The following CNOT6L variants were observed in gnomAD, a reference collection of about 807,000 sequenced individuals.
The protein encoded by CNOT6L is CCR4-NOT transcription complex subunit 6 like.
In CNOT6L, 7 loss-of-function variants were observed where a neutral mutation model predicts 64.0. That is an observed-to-expected ratio of 0.11 (90% CI 0.06 to 0.21). The LOEUF (loss-of-function observed/expected upper bound fraction) is 0.21. Ranked by LOEUF, CNOT6L falls within the 10% of genes least tolerant of loss-of-function variation. The probability of loss-of-function intolerance (pLI) is 1.00; values close to 1 mark genes in which losing one functional copy is unlikely to be tolerated. For missense variants in CNOT6L, 245 were observed against 669.0 expected, an observed-to-expected ratio of 0.37 and a Z score of 6.99; for synonymous variants, 193 against 243.4, an observed-to-expected ratio of 0.79 and a Z score of 1.93.
intron 8 of CNOT6L, among the ~76,000 whole-genome samples, chr4:77,737,933 C>G (rs1032179515): frequency 6.6e-6 from 1 of 152,052 alleles, no homozygotes; most frequent in Non-Finnish European, 1.5e-5. Flanking sequence ...ATTCTAAATG[C>G]AACAACCACC....
chr4:77,737,392 A>G (rs1368628068), intron 8 of CNOT6L, among the ~76,000 whole-genome samples: 2 of 147,624 alleles, frequency 1.4e-5, no homozygotes, highest in East Asian at 2.0e-4. Flanking sequence ...ATAACATCCT[A>G]TATTTGTACC....
At chr4:77,725,674 T>C (rs1036865314) in intron 11 of CNOT6L, among the ~76,000 whole-genome samples, 2 of 152,206 alleles carry the variant, frequency 1.3e-5, no homozygotes, top group Admixed American at 1.3e-4. Context: ...TCTAACCCCA[T>C]ACCCAAAAAT....
intron 1 of CNOT6L, among the ~76,000 whole-genome samples, chr4:77,778,103 T>C (rs79072801): frequency 0.031 from 4,755 of 152,284 alleles, 243 homozygotes; most frequent in African/African-American, 0.11. Context: ...ACAAAGAATA[T>C]GATCATTTTC....
chr4:77,781,982 G>C (rs969708664), intron 1 of CNOT6L, among the ~76,000 whole-genome samples: 3 of 151,968 alleles, frequency 2.0e-5, no homozygotes, highest in Non-Finnish European at 4.4e-5. Flanking sequence ...TCAATCACAG[G>C]CAGAGACACA....
At chr4:77,793,031 A>T (rs1326607171) in intron 1 of CNOT6L, among the ~76,000 whole-genome samples, 1 of 151,614 alleles carries the variant, frequency 6.6e-6, no homozygotes, top group Non-Finnish European at 1.5e-5. Flanking sequence ...ACAACAAGAA[A>T]TATCTTGTCC....
intron 8 of CNOT6L, among the ~76,000 whole-genome samples, chr4:77,739,232 T>G (rs564051463): frequency 6.6e-6 from 1 of 152,186 alleles, no homozygotes; most frequent in South Asian, 2.1e-4. Context: ...CAGTTTTTCA[T>G]GTATGATTAA....
At chr4:77,780,988 A>C (rs1728795459) in intron 1 of CNOT6L, among the ~76,000 whole-genome samples, 2 of 152,118 alleles carry the variant, frequency 1.3e-5, no homozygotes, top group Non-Finnish European at 2.9e-5. Context: ...AAACATAAAA[A>C]AACATGCAGC....
chr4:77,747,966 ACT>A (rs1382244442), intron 6 of CNOT6L, among the ~76,000 whole-genome samples: 8 of 152,120 alleles, frequency 5.3e-5, no homozygotes, highest in African/African-American at 1.9e-4. Context: ...ATCACCCAAT[ACT>A]CTCTATGAAG....
chr4:77,758,665 CA>C (rs956961309), intron 4 of CNOT6L, among the ~76,000 whole-genome samples: 10 of 152,172 alleles, frequency 6.6e-5, no homozygotes, highest in African/African-American at 2.4e-4. Context: ...GTGTAACTGA[CA>C]AATTACTGGA....
intron 3 of CNOT6L, 51 bp from the exon 4 acceptor site, chr4:77,773,217 C>T (rs1230850059): frequency 8.7e-7 from 1 of 1,148,680 alleles, no homozygotes; most frequent in African/African-American, 1.6e-5. Flanking sequence ...GTTTTATTAA[C>T]ATCTGTATTT....
At chr4:77,726,465 A>G in intron 10 of CNOT6L, 96 bp from the exon 11 acceptor site, 2 of 951,600 alleles carry the variant, frequency 2.1e-6, no homozygotes, top group Non-Finnish European at 3.1e-6. Flanking sequence ...CACCAGGCTC[A>G]GAGTGGTCTT....
Position 77,717,592 on chromosome 4 carries a change from AAT to A in CNOT6L, c.*2837_*2838del, listed in dbSNP as rs142967513. On this transcript the variant is annotated 3_prime_UTR_variant, in exon 12 of 12. Transcript: ENST00000504123. ...GAGCATATATATTTTACTTTCATTG[AAT>A]ATATATATATATATGTCATTCACCT... 1.4e-4 allele frequency: 21 copies of A among 149,990 alleles called. No homozygotes were observed. The highest frequency in any genetic ancestry group is 2.0e-4 in the African/African-American group (8 of 40,946). 9.3% of individuals were successfully genotyped at this position (149,990 alleles called of 1,614,324 possible). A position where few individuals can be genotyped will look rare whatever the true frequency, so the allele number is the denominator to read the frequency against.
chr4:77,737,790 G>A (rs1387775826), intron 8 of CNOT6L, among the ~76,000 whole-genome samples: 1 of 151,902 alleles, frequency 6.6e-6, no homozygotes, highest in Non-Finnish European at 1.5e-5. Flanking sequence ...CTCTAAAGTG[G>A]AACAGTTATT....
intron 1 of CNOT6L, among the ~76,000 whole-genome samples, chr4:77,779,752 G>A (rs1728640960): frequency 6.6e-6 from 1 of 152,172 alleles, no homozygotes; most frequent in Admixed American, 6.5e-5. Flanking sequence ...ACGAGGTCAG[G>A]AGATCGAGAC....
At chr4:77,757,101 G>A in intron 4 of CNOT6L, 150 bp from the exon 5 acceptor site, 1 of 440,036 alleles carries the variant, frequency 2.3e-6, no homozygotes, top group South Asian at 5.9e-5. Context: ...ATTTAAAAAT[G>A]TATGTGTAAA....
At chr4:77,739,655 A>G (rs1232377032) in intron 8 of CNOT6L, among the ~76,000 whole-genome samples, 1 of 152,220 alleles carries the variant, frequency 6.6e-6, no homozygotes, top group African/African-American at 2.4e-5. Flanking sequence ...CATTCCAGGA[A>G]AGAAGTTGAA....
At chr4:77,787,786 T>G (rs1429114498) in intron 1 of CNOT6L, among the ~76,000 whole-genome samples, 1 of 152,218 alleles carries the variant, frequency 6.6e-6, no homozygotes, top group Non-Finnish European at 1.5e-5. Context: ...TTACCTAACT[T>G]TATTTCACTT....
chr4:77,796,398 G>C (rs1211254865), intron 1 of CNOT6L, among the ~76,000 whole-genome samples: 1 of 152,022 alleles, frequency 6.6e-6, no homozygotes, highest in Non-Finnish European at 1.5e-5. Context: ...CTTCTCCCTT[G>C]CTTTTTCTTG....
intron 5 of CNOT6L, among the ~76,000 whole-genome samples, chr4:77,748,956 A>G (rs900654669): frequency 6.6e-6 from 1 of 152,198 alleles, no homozygotes; most frequent in Non-Finnish European, 1.5e-5. Context: ...GGTTATCAAT[A>G]CTATGGAACT....
Sources: allele counts gnomAD v4.1 joint callset (sites outside exome capture counted in the v4.1 genomes callset), GRCh38; gene constraint gnomAD v4.1.1; transcripts MANE v1.5; gene names NCBI Gene and HGNC (gene_info 2026-07-23, HGNC 2026-07-21).